Variants in BTNL2 observed in about 807,000 individuals in gnomAD.
The protein encoded by BTNL2 is butyrophilin like 2.
Under a neutral mutation model 46.8 loss-of-function variants are expected in BTNL2, and 46 were observed. The observed-to-expected ratio is 0.98, with a 90% confidence interval of 0.78 to 1.26. The LOEUF is 1.26. Ranked by LOEUF, BTNL2 falls within the 50% of genes most tolerant of loss-of-function variation. BTNL2 has a pLI of 0.00. For synonymous variants in BTNL2, 226 were observed against 229.1 expected, an observed-to-expected ratio of 0.99 and a Z score of 0.12; for missense variants, 461 against 592.6, an observed-to-expected ratio of 0.78 and a Z score of 2.31.
chr6:32,402,748 G>A (rs536824094), intron 3 of BTNL2, among the ~76,000 whole-genome samples, 187 bp downstream of exon 3: 2,658 of 152,268 alleles, frequency 0.017, 78 homozygotes, highest in East Asian at 0.11. Context: ...AATAACGCAG[G>A]CGCCATAACA....
rs1440875808 is a variant in BTNL2, at chr6:32,394,965, A to T, written c.1139T>A (p.Met380Lys). 3.7e-6 allele frequency: 6 copies of T among 1,613,542 alleles called. No individual in the cohort carries two copies. Among genetic ancestry groups the T allele is most frequent in the Non-Finnish European group, 5.1e-6 (6 of 1,179,574 alleles). Residue 380 changes from methionine to lysine, a missense_variant, in exon 6 of 8, where the codon ATG (methionine) becomes AAG (lysine). By Grantham distance (95) the Met-to-Lys change is moderately conservative (BLOSUM62 -1). Coordinates refer to ENST00000454136, the MANE Select transcript of BTNL2 (RefSeq NM_001304561.2). This position sits in a 1 kb window ranked among gnomAD's most constrained non-coding sequence, Gnocchi z 4.6. ...EGQEDGEMQP[M>K]CSSDGWFPQP... ...TGGGAACCACCCATCTGAAGAGCAC[A>T]TCGGCTGCATTTCTCCATCTTCTTG...
chr6:32,406,623 T>C (rs559770009), intron 1 of BTNL2: 1 of 152,624 alleles, frequency 6.6e-6, no homozygotes, highest in Non-Finnish European at 1.5e-5. Context: ...TAATTTCTTA[T>C]TTCCAAGTAT....
At chr6:32,404,387 C>A (rs969651381) in intron 2 of BTNL2, among the ~76,000 whole-genome samples, 3 of 151,034 alleles carry the variant, frequency 2.0e-5, no homozygotes, top group African/African-American at 7.3e-5. Flanking sequence ...TTCCCATTCA[C>A]AGAGGGTGTG....
intron 1 of BTNL2, chr6:32,406,278 G>A (rs1192902297): frequency 6.6e-6 from 1 of 152,258 alleles, no homozygotes; most frequent in Non-Finnish European, 1.5e-5. Context: ...CCATCAGATT[G>A]ACTGTTACAG....
At chr6:32,402,311 G>T (rs769466529) in intron 3 of BTNL2, among the ~76,000 whole-genome samples, 1 of 152,072 alleles carries the variant, frequency 6.6e-6, no homozygotes, top group East Asian at 1.9e-4. Flanking sequence ...AAGTTTTAGT[G>T]CAGTTATAAG....
At position 32,394,470 on chromosome 6, in the gene BTNL2, A is replaced by AAG. The variant is rs377753208; in HGVS notation, c.1360+272_1360+273dup. On this transcript the variant is annotated intron_variant, in intron 6 of 7. Transcript: ENST00000454136. The surrounding 1 kb of genome is among the most constrained non-coding windows in gnomAD (Gnocchi z 4.6). ...TTTCACATCAGAAGAAGAGAATTTA[A>AAG]AGAGAGAGAGTGAAAACAGGGTCAA... Among the ~76,000 whole-genome samples, 810 of 109,906 alleles carry AAG rather than the reference A, an allele frequency of 7.4e-3. 9 individuals carry two copies. The highest frequency in any genetic ancestry group is 0.024 in the African/African-American group (765 of 31,372). 72.1% of individuals were successfully genotyped at this position (109,906 alleles called of 152,430 possible).
chr6:32,401,534 T>G (rs1006568057), intron 4 of BTNL2, among the ~76,000 whole-genome samples: 12 of 152,198 alleles, frequency 7.9e-5, no homozygotes, highest in African/African-American at 2.9e-4. Context: ...GATGCCATGC[T>G]TCCTATAGGT....
At chr6:32,395,344 C>T (rs145412394) in intron 5 of BTNL2, among the ~76,000 whole-genome samples, 62 of 152,132 alleles carry the variant, frequency 4.1e-4, no homozygotes, top group East Asian at 1.9e-4. Context: ...GATTAACATA[C>T]GGAGTAGGAG....
rs141746309 is a variant in BTNL2, at chr6:32,402,984, G to T, written c.660C>A (p.Val220=). 27 of 1,612,882 alleles carry T rather than the reference G, an allele frequency of 1.7e-5. No homozygotes were observed. In the African/African-American group the frequency reaches 2.9e-4, roughly 18 times the overall value. ...TCTCCTCAGTGAGGACGGGGTTGTG[G>T]ACCAAGCAGGACACAGACTCTGCAG... The part of the protein sequence containing the change: ...NASAESVSCL[V]HNPVLTEEKG... The change falls in exon 3 of 8, where the codon GTC becomes GTA. Residue 220 remains valine (V), a synonymous_variant. Transcript: ENST00000454136.
chr6:32,403,676 T>TAACA (rs1322567463), intron 2 of BTNL2: 3 of 159,850 alleles, frequency 1.9e-5, no homozygotes, highest in African/African-American at 7.2e-5. Context: ...CAGGGGCCTG[T>TAACA]TCTTCCTGCA....
chr6:32,398,063 T>C (rs3129955), intron 4 of BTNL2, among the ~76,000 whole-genome samples: 109,470 of 152,110 alleles, frequency 0.72, 39,582 homozygotes, highest in African/African-American at 0.78. Flanking sequence ...TCTAATTCTC[T>C]CACTGTGCAA....
rs747243102 is a variant in BTNL2, at chr6:32,407,174, A to T, written c.-51T>A. The T allele has an allele frequency of 4.8e-6, 7 of 1,444,334 alleles. No homozygotes were observed. In the East Asian group the frequency reaches 1.6e-4, roughly 33 times the overall value. The allele number at this position is 1,444,334 out of a possible 1,614,324, so 89.5% of individuals were successfully genotyped here. ...CGCTGTGCCTAAGTGAGGCTGTGAC[A>T]CACCCGGCACACTCCATGGCTTCCA... is the stretch of plus-strand genomic sequence containing the variant. On this transcript the variant is annotated 5_prime_UTR_variant, in exon 1 of 8. Transcript: ENST00000454136.
In BTNL2 at chr6:32,394,309, A is replaced by G. The variant is rs190815295; in HGVS notation, c.1361-252T>C. On this transcript the variant is annotated intron_variant, in intron 6 of 7. Transcript: ENST00000454136. The surrounding 1 kb of genome is among the most constrained non-coding windows in gnomAD (Gnocchi z 4.6). ...TCTCTTCCAACTATATCACACAATC[A>G]CTGGAATGACTTGAGGAGGAAAGGA... is the stretch of plus-strand genomic sequence containing the variant. Among the ~76,000 whole-genome samples the G allele has an allele frequency of 5.3e-5, 8 of 152,294 alleles. No individual in the cohort carries two copies. The highest frequency in any genetic ancestry group is 1.2e-4 in the Non-Finnish European group (8 of 68,018).
chr6:32,405,498 G>A, intron 1 of BTNL2: 1 of 650,890 alleles, frequency 1.5e-6, no homozygotes, highest in Non-Finnish European at 2.8e-6. Context: ...AAAAATGTGG[G>A]TGAGGTTGCT....
Position 32,407,085 on chromosome 6 carries a change from G to A in BTNL2, c.39C>T (p.Val13=), listed in dbSNP as rs1209626047. 1.2e-5 allele frequency: 19 copies of A among 1,612,816 alleles called. No homozygotes were observed. Among genetic ancestry groups the A allele is most frequent in the South Asian group, 2.2e-5 (2 of 91,066 alleles). ...TCAGCAGGATGAATAGGAAGGAGGC[G>A]ACTGCACCAGACAGATTGTAGCCTG... ...DFPGYNLSGA[V]ASFLFILLTM... is the part of the protein sequence containing the mutation. Residue 13 remains valine (V), a synonymous_variant, in exon 1 of 8, where the codon GTC becomes GTT. Transcript: ENST00000454136.
rs1168243105 is a variant in BTNL2, at chr6:32,402,997, A to G, written c.647T>C (p.Val216Ala). The change falls in exon 3 of 8, where the codon GTG (valine) becomes GCG (alanine). Residue 216 changes from valine (V) to alanine (A), a missense_variant. By Grantham distance (64) the Val-to-Ala change is moderately conservative. Coordinates refer to ENST00000454136, the MANE Select transcript of BTNL2 (RefSeq NM_001304561.2). ...LVVRNASAESVSCLVHNPVLT... is the reference protein window; with the variant it reads ...LVVRNASAESASCLVHNPVLT... ...GACGGGGTTGTGGACCAAGCAGGAC[A>G]CAGACTCTGCAGAGGCGTTCCTGAC... 1 of 1,613,050 alleles carries G rather than the reference A, an allele frequency of 6.2e-7. No homozygotes were observed.
In BTNL2 at chr6:32,394,068, A is replaced by G. The variant is rs1161707784; in HGVS notation, c.1361-11T>C. 6 of 1,549,558 alleles carry G rather than the reference A, an allele frequency of 3.9e-6. No individual in the cohort carries two copies. The South Asian group carries it at 7.1e-5, about 18-fold the overall frequency. On this transcript the variant is annotated splice_polypyrimidine_tract_variant and intron_variant, in intron 6 of 7. Transcript: ENST00000454136. The surrounding 1 kb of genome is among the most constrained non-coding windows in gnomAD (Gnocchi z 4.6). ...ACGTCATCCTGGACTCTAAAATGGA[A>G]ACCCAAGAATCCCTTGAAACTGTGA... is the stretch of plus-strand genomic sequence containing the variant.
At position 32,396,316 on chromosome 6, in the gene BTNL2, A is replaced by G; in HGVS notation, c.801T>C (p.Cys267=). ...GTGCATTCGCCTTGGGGGACAGGTA[A>G]CAGGTTAGCTGTATATCTTCTCCCA... ...VRVGEDIQLT[C]YLSPKANAQS... Residue 267 remains cysteine, a synonymous_variant, in exon 5 of 8, where the codon TGT becomes TGC. Transcript: ENST00000454136. This position sits in a 1 kb window ranked among gnomAD's most constrained non-coding sequence, Gnocchi z 4.4. 1 of 1,612,886 alleles carries G rather than the reference A, an allele frequency of 6.2e-7. No homozygotes were observed. The highest frequency in any genetic ancestry group is 2.2e-5 in the East Asian group (1 of 44,868).
Position 32,394,733 on chromosome 6 carries a change from G to A in BTNL2, c.1360+11C>T, listed in dbSNP as rs773912341. 6.2e-7 allele frequency: 1 copy of A among 1,607,128 alleles called. No homozygotes were observed. Among genetic ancestry groups the A allele is most frequent in the Admixed American group, 1.7e-5 (1 of 59,746 alleles). On this transcript the variant is annotated intron_variant, in intron 6 of 7. Transcript: ENST00000454136. This position sits in a 1 kb window ranked among gnomAD's most constrained non-coding sequence, Gnocchi z 4.6. The stretch of plus-strand genomic sequence containing the variant: ...TTTTCCAAACCTGAAGGAACATAAG[G>A]AATCACCAACCTGAGAGAGAAAAAG...
Sources: allele counts gnomAD v4.1 joint callset (sites outside exome capture counted in the v4.1 genomes callset), GRCh38; gene constraint gnomAD v4.1.1; non-coding constraint Gnocchi (gnomAD v3.1); transcripts MANE v1.5; gene names NCBI Gene and HGNC (gene_info 2026-07-23, HGNC 2026-07-21).